Variants in BMAL1 observed in about 807,000 individuals in gnomAD.
BMAL1 encodes basic helix-loop-helix ARNT like 1, also known as basic helix-loop-helix ARNT-like protein 1.
the BMAL1 span, among the ~76,000 whole-genome samples, chr11:13,371,762 C>T: frequency 6.6e-6 from 1 of 152,220 alleles, no homozygotes; most frequent in African/African-American, 2.4e-5. Flanking sequence ...CCACACAGAG[C>T]TCTTGGCCAG....
the BMAL1 span, among the ~76,000 whole-genome samples, chr11:13,383,832 C>T: frequency 6.6e-6 from 1 of 151,796 alleles, no homozygotes; most frequent in Non-Finnish European, 1.5e-5. Context: ...GCCTGGGCAA[C>T]CAGAGTGAGA....
the BMAL1 span, among the ~76,000 whole-genome samples, chr11:13,383,695 C>CAA: frequency 5.3e-5 from 8 of 151,578 alleles, no homozygotes; most frequent in East Asian, 1.2e-3. Context: ...CTAAAAAATA[C>CAA]AAAAAAAATT....
the BMAL1 span, among the ~76,000 whole-genome samples, chr11:13,313,274 C>G: frequency 2.0e-5 from 3 of 152,282 alleles, no homozygotes; most frequent in South Asian, 6.2e-4. Context: ...GTTCTCTGTT[C>G]TTTGTCCTTA....
the BMAL1 span, among the ~76,000 whole-genome samples, chr11:13,367,910 T>C: frequency 5.9e-5 from 9 of 152,258 alleles, no homozygotes; most frequent in Admixed American, 5.9e-4. Context: ...GCAGAACAGT[T>C]CCTAGCACAT....
chr11:13,374,172 T>C, the BMAL1 span: 2 of 1,613,994 alleles, frequency 1.2e-6, no homozygotes, highest in Non-Finnish European at 1.7e-6. Flanking sequence ...CAAGATGACA[T>C]AGGACATCTT....
the BMAL1 span, chr11:13,358,674 C>CAG: frequency 7.4e-6 from 10 of 1,343,548 alleles, no homozygotes; most frequent in Non-Finnish European, 9.7e-6. Context: ...ATCCCTAAGG[C>CAG]AGATGTTTAT....
chr11:13,376,020 C>CT, the BMAL1 span, among the ~76,000 whole-genome samples: 1 of 152,210 alleles, frequency 6.6e-6, no homozygotes. Flanking sequence ...GATAAAGCAG[C>CT]TAACCTTTGA....
the BMAL1 span, chr11:13,387,157 ATAAAGCCGTT>A: frequency 6.4e-6 from 1 of 156,812 alleles, no homozygotes; most frequent in South Asian, 2.0e-4. Flanking sequence ...TAATTGTATC[ATAAAGCCGTT>A]TATTCTTCCT....
At chr11:13,366,686 T>C in the BMAL1 span, 1 of 1,614,004 alleles carries the variant, frequency 6.2e-7, no homozygotes, top group East Asian at 2.2e-5. Context: ...TGGTCAGAGT[T>C]TGTTTGACTA....
the BMAL1 span, among the ~76,000 whole-genome samples, chr11:13,386,292 C>G: frequency 1.3e-5 from 2 of 152,078 alleles, no homozygotes; most frequent in Non-Finnish European, 2.9e-5. Context: ...AAGCTTGACT[C>G]AAATATTTTT....
the BMAL1 span, among the ~76,000 whole-genome samples, chr11:13,363,169 TA>T: frequency 1.1e-3 from 145 of 132,768 alleles, no homozygotes; most frequent in African/African-American, 3.1e-3. Flanking sequence ...TATATATATG[TA>T]AAATAATTAT....
At chr11:13,384,936 G>GTA in the BMAL1 span, among the ~76,000 whole-genome samples, 1 of 152,120 alleles carries the variant, frequency 6.6e-6, no homozygotes, top group African/African-American at 2.4e-5. Flanking sequence ...TTTTAAGAGT[G>GTA]TAAAAGGGTC....
chr11:13,290,986 T>TAC, the BMAL1 span, among the ~76,000 whole-genome samples: 5 of 152,186 alleles, frequency 3.3e-5, no homozygotes, highest in African/African-American at 1.2e-4. Context: ...TCCTCCTGGA[T>TAC]ACTCTGGCTG....
chr11:13,361,343 T>C, the BMAL1 span, among the ~76,000 whole-genome samples: 4 of 152,132 alleles, frequency 2.6e-5, no homozygotes, highest in African/African-American at 7.2e-5. Flanking sequence ...GGAAAGAAAC[T>C]GGATTCAGAA....
the BMAL1 span, chr11:13,372,334 G>A: frequency 6.2e-7 from 1 of 1,614,196 alleles, no homozygotes; most frequent in Non-Finnish European, 8.5e-7. Flanking sequence ...CCAGTGAACG[G>A]GGAAATCAGG....
At chr11:13,376,339 G>T in the BMAL1 span, among the ~76,000 whole-genome samples, 2 of 152,214 alleles carry the variant, frequency 1.3e-5, no homozygotes, top group Non-Finnish European at 2.9e-5. Flanking sequence ...GCCGGGGCTA[G>T]GTGCACTGCA....
the BMAL1 span, among the ~76,000 whole-genome samples, chr11:13,311,970 T>A: frequency 6.6e-6 from 1 of 152,236 alleles, no homozygotes; most frequent in Admixed American, 6.5e-5. Flanking sequence ...GGATAATTCC[T>A]CCAGTCATGA....
chr11:13,354,211 C>A, the BMAL1 span: 3 of 1,132,472 alleles, frequency 2.6e-6, no homozygotes, highest in South Asian at 1.5e-5. Flanking sequence ...CCCCCCACCA[C>A]CAAACCCCCA....
the BMAL1 span, among the ~76,000 whole-genome samples, chr11:13,304,735 A>G: frequency 6.6e-6 from 1 of 152,162 alleles, no homozygotes; most frequent in Admixed American, 6.5e-5. Flanking sequence ...AGATATGCCT[A>G]CTGGAGTCCA....
Sources: gnomAD v4.1 joint callset for allele counts (sites outside exome capture counted in the v4.1 genomes callset) on GRCh38, gnomAD v4.1.1 for gene constraint, MANE v1.5 for transcripts, NCBI Gene and HGNC (gene_info 2026-07-23, HGNC 2026-07-21) for gene names.